LRRC8B: variants seen among roughly 807,000 people sequenced by gnomAD.
LRRC8B encodes leucine rich repeat containing 8 VRAC subunit B, also known as volume-regulated anion channel subunit LRRC8B.
A neutral mutation model predicts 58.8 loss-of-function variants in LRRC8B; 23 were observed. That is an observed-to-expected ratio of 0.39 (90% CI 0.28 to 0.55). LRRC8B has a LOEUF of 0.55. LRRC8B is among the 20% of genes least tolerant of loss of function. The pLI, the probability that LRRC8B is intolerant of heterozygous loss-of-function variation, is 0.62. For synonymous variants in LRRC8B, 359 were observed against 374.1 expected (o/e 0.96, Z 0.47); for missense variants, 694 against 936.0 (o/e 0.74, Z 3.37).
At chr1:89,569,302 TTAATTTTA>T (rs1653264825) in intron 3 of LRRC8B, among the ~76,000 whole-genome samples, 1 of 152,204 alleles carries the variant, frequency 6.6e-6, no homozygotes, top group Non-Finnish European at 1.5e-5. Flanking sequence ...TAAATTTTTT[TTAATTTTA>T]TAATTTCAAC....
At chr1:89,566,941 C>G (rs1324549420) in intron 1 of LRRC8B, among the ~76,000 whole-genome samples, 1 of 152,122 alleles carries the variant, frequency 6.6e-6, no homozygotes, top group African/African-American at 2.4e-5. Flanking sequence ...CCAGAATACC[C>G]TTTTATTTTT....
At chr1:89,579,915 C>G (rs1654102364) in intron 4 of LRRC8B, among the ~76,000 whole-genome samples, 1 of 152,206 alleles carries the variant, frequency 6.6e-6, no homozygotes, top group African/African-American at 2.4e-5. Context: ...TTATCTGCTT[C>G]ACTCTTTTTA....
At chr1:89,525,471 C>T (rs1006658578) in intron 1 of LRRC8B, among the ~76,000 whole-genome samples, 5 of 152,210 alleles carry the variant, frequency 3.3e-5, no homozygotes, top group African/African-American at 9.7e-5. Context: ...CTGTTTTGCC[C>T]CCTGCGCTGG....
chr1:89,564,674 T>G (rs1413960415), intron 1 of LRRC8B, among the ~76,000 whole-genome samples: 2 of 152,202 alleles, frequency 1.3e-5, no homozygotes, highest in East Asian at 3.8e-4. Context: ...CCGACTCTTC[T>G]GAGAGCTCAA....
rs2101061094 is a variant in LRRC8B, at chr1:89,582,677, C to G, written c.27C>G (p.Cys9Trp). 6.2e-7 allele frequency: 1 copy of G among 1,613,892 alleles called. No individual in the cohort carries two copies. Among genetic ancestry groups the G allele is most frequent in the East Asian group, 2.2e-5 (1 of 44,874 alleles). MITLTELK[C>W]LADAQSSYHI... ...TGATTACACTAACTGAGCTAAAATGCTTAGCAGATGCCCAGTCATCTTATC... is the reference window on the plus strand; with the variant it reads ...TGATTACACTAACTGAGCTAAAATGGTTAGCAGATGCCCAGTCATCTTATC... The change falls in exon 5 of 6, where the codon TGC becomes TGG. Residue 9 changes from cysteine (C) to tryptophan (W), a missense_variant. Cys to Trp is a radical substitution (Grantham distance 215). Transcript: ENST00000330947.
intron 3 of LRRC8B, among the ~76,000 whole-genome samples, chr1:89,569,988 TG>T (rs1433971426): frequency 6.6e-6 from 1 of 152,236 alleles, no homozygotes; most frequent in Non-Finnish European, 1.5e-5. Context: ...TTTCTGTTCC[TG>T]CATTAGTTTG....
At chr1:89,588,502 G>GA (rs925262047) in intron 5 of LRRC8B, among the ~76,000 whole-genome samples, 5 of 152,100 alleles carry the variant, frequency 3.3e-5, no homozygotes, top group South Asian at 2.1e-4. Context: ...ACAGAGGACT[G>GA]AAAAAAACAT....
intron 1 of LRRC8B, among the ~76,000 whole-genome samples, chr1:89,537,271 CA>C (rs1307260173): frequency 6.6e-6 from 1 of 152,148 alleles, no homozygotes; most frequent in East Asian, 1.9e-4. Context: ...CGCTTAAGAA[CA>C]AAATGTGCAA....
intron 3 of LRRC8B, among the ~76,000 whole-genome samples, chr1:89,576,997 G>T (rs188375093): frequency 2.0e-5 from 3 of 152,260 alleles, no homozygotes; most frequent in South Asian, 2.1e-4. Flanking sequence ...AACAAAAGGC[G>T]AATTTAAATT....
Position 89,595,009 on chromosome 1 carries a change from C to CT in LRRC8B, c.*1967dup, listed in dbSNP as rs1655215748. 1 of 152,172 alleles carries CT rather than the reference C, an allele frequency of 6.6e-6. No individual in the cohort carries two copies. The highest frequency in any genetic ancestry group is 6.6e-5 in the Admixed American group (1 of 15,264). The allele number at this position is 152,172 out of a possible 1,614,324, so 9.4% of individuals were successfully genotyped here. A position where few individuals can be genotyped will look rare whatever the true frequency, so the allele number is the denominator to read the frequency against. ...AGAGCTTCCCCTCACCTGCCACACACTCCTGCACTAAAGTTCAAAGAAAAG... is the reference window on the plus strand; with the variant it reads ...AGAGCTTCCCCTCACCTGCCACACACTTCCTGCACTAAAGTTCAAAGAAAAG... On this transcript the variant is annotated 3_prime_UTR_variant, in exon 6 of 6. Transcript: ENST00000330947.
At chr1:89,585,040 C>T (rs547679774) in intron 5 of LRRC8B, among the ~76,000 whole-genome samples, 4 of 152,268 alleles carry the variant, frequency 2.6e-5, no homozygotes, top group African/African-American at 9.6e-5. Flanking sequence ...AAATGTTTTT[C>T]TCTTTGTTTT....
chr1:89,581,015 G>A (rs2101053249), intron 4 of LRRC8B, among the ~76,000 whole-genome samples: 1 of 152,220 alleles, frequency 6.6e-6, no homozygotes, highest in East Asian at 1.9e-4. Flanking sequence ...TTCCTGGCCA[G>A]GCACAGTGGC....
chr1:89,564,227 T>G (rs17130829), intron 1 of LRRC8B, among the ~76,000 whole-genome samples: 1 of 152,196 alleles, frequency 6.6e-6, no homozygotes, highest in Non-Finnish European at 1.5e-5. Flanking sequence ...ATGTCGACTT[T>G]AATTATTTAA....
At chr1:89,545,465 T>C (rs866284472) in intron 1 of LRRC8B, among the ~76,000 whole-genome samples, 3 of 152,220 alleles carry the variant, frequency 2.0e-5, no homozygotes, top group South Asian at 2.1e-4. Context: ...CCAGGCCTTT[T>C]AGCTCTGTGT....
Position 89,584,137 on chromosome 1 carries a change from T to A in LRRC8B, c.1487T>A (p.Phe496Tyr). Residue 496 changes from phenylalanine (F) to tyrosine (Y), a missense_variant, in exon 5 of 6, where the codon TTT becomes TAT. Physicochemically the swap from Phe to Tyr is conservative, Grantham distance 22 (BLOSUM62 3). This residue lies in a region of LRRC8B where 162 missense variants were observed against 198.5 expected (regional missense o/e 0.82). Transcript: ENST00000330947. ...AATTTAAAAATCCTCCGCCTGAAATTTACTGAAATGGGAAAAATCCCACGC... is the reference window on the plus strand; with the variant it reads ...AATTTAAAAATCCTCCGCCTGAAATATACTGAAATGGGAAAAATCCCACGC... ...EENLKILRLK[F>Y]TEMGKIPRWV... 1 of 1,613,178 alleles carries A rather than the reference T, an allele frequency of 6.2e-7. No homozygotes were observed. The highest frequency in any genetic ancestry group is 8.5e-7 in the Non-Finnish European group (1 of 1,180,022).
rs994844043 is a variant in LRRC8B at position 89,524,906 on chromosome 1, G to A, written c.-357G>A. 4.6e-5 allele frequency: 7 copies of A among 152,258 alleles called. No individual in the cohort carries two copies. Among genetic ancestry groups the A allele is most frequent in the African/African-American group, 1.7e-4 (7 of 41,454 alleles). The allele number at this position is 152,258 out of a possible 1,614,324, so 9.4% of individuals were successfully genotyped here. A position where few individuals can be genotyped will look rare whatever the true frequency, so the allele number is the denominator to read the frequency against. On this transcript the variant is annotated 5_prime_UTR_variant, in exon 1 of 6. An upstream open reading frame in the 5' UTR loses its in-frame stop. Transcript: ENST00000330947. ...CCGGACAGCGCCGGGGCTTCCCGCTGAGCCCGCAGCCTCCGGCAGCCGGGA... is the reference window on the plus strand; with the variant it reads ...CCGGACAGCGCCGGGGCTTCCCGCTAAGCCCGCAGCCTCCGGCAGCCGGGA...
rs1655240750 is a variant in LRRC8B, at chr1:89,595,543, T to C, written c.*2500T>C. 6.6e-6 allele frequency: 1 copy of C among 152,156 alleles called. No homozygotes were observed. Among genetic ancestry groups the C allele is most frequent in the Non-Finnish European group, 1.5e-5 (1 of 67,982 alleles). The allele number at this position is 152,156 out of a possible 1,614,324, so 9.4% of individuals were successfully genotyped here. A position where few individuals can be genotyped will look rare whatever the true frequency, so the allele number is the denominator to read the frequency against. Reference sequence around the variant, plus strand: ...ATTTTCCTTATCACCTACGTAAATTTCTAGAAGAATTTACTAGCAGGATTA... The same window carrying C: ...ATTTTCCTTATCACCTACGTAAATTCCTAGAAGAATTTACTAGCAGGATTA... On this transcript the variant is annotated 3_prime_UTR_variant, in exon 6 of 6. Transcript: ENST00000330947.
intron 5 of LRRC8B, among the ~76,000 whole-genome samples, chr1:89,590,633 A>T (rs1482718402): frequency 1.3e-5 from 2 of 152,238 alleles, no homozygotes; most frequent in Non-Finnish European, 2.9e-5. Flanking sequence ...ACTGGTGGGA[A>T]TGTGGTAGTG....
intron 1 of LRRC8B, among the ~76,000 whole-genome samples, chr1:89,565,406 GA>G (rs1652975060): frequency 1.3e-5 from 2 of 152,246 alleles, no homozygotes; most frequent in African/African-American, 4.8e-5. Flanking sequence ...CAGTCATGCT[GA>G]ATTTGACAGC....
Sources: gnomAD v4.1 joint callset for allele counts (sites outside exome capture counted in the v4.1 genomes callset) on GRCh38, gnomAD v4.1.1 for gene constraint, gnomAD v4.1.1 regional missense constraint, MANE v1.5 for transcripts, NCBI Gene and HGNC (gene_info 2026-07-23, HGNC 2026-07-21) for gene names.